PCDH15: variants seen among roughly 807,000 people sequenced by gnomAD.
The protein encoded by PCDH15 is protocadherin related 15.
PCDH15 carries 129 observed loss-of-function variants against 178.5 expected under a neutral mutation model. That is an observed-to-expected ratio of 0.72 (90% CI 0.63 to 0.84). The LOEUF is 0.84. Among genes scored for constraint, PCDH15 ranks in the 40% least tolerant of loss-of-function variants. PCDH15 has a pLI of 0.00. For missense variants in PCDH15, 2,230 were observed against 2,099.9 expected (o/e 1.06, Z -1.21); for synonymous variants, 800 against 732.0 (o/e 1.09, Z -1.50).
chr10:55,124,411 A>G (rs1160549391), intron 2 of PCDH15, among the ~76,000 whole-genome samples: 3 of 152,152 alleles, frequency 2.0e-5, no homozygotes, highest in African/African-American at 7.2e-5. Context: ...TGATGTAAAC[A>G]TGCACACACA....
intron 1 of PCDH15, among the ~76,000 whole-genome samples, chr10:55,309,362 T>C (rs139751301): frequency 1.2e-3 from 177 of 152,048 alleles, no homozygotes; most frequent in Middle Eastern, 6.8e-3. Context: ...TGAAGAATTT[T>C]AAAAATTAGT....
intron 2 of PCDH15, among the ~76,000 whole-genome samples, chr10:54,913,500 G>A (rs1472090175): frequency 6.6e-6 from 1 of 152,206 alleles, no homozygotes; most frequent in African/African-American, 2.4e-5. Flanking sequence ...AGCCCTCATG[G>A]AGAACCTCTA....
intron 5 of PCDH15, among the ~76,000 whole-genome samples, chr10:54,355,509 T>C (rs1480030684): frequency 6.6e-6 from 1 of 152,070 alleles, no homozygotes; most frequent in Admixed American, 6.6e-5. Context: ...TTGAGAAATG[T>C]TAGAATTCAC....
In PCDH15 at chr10:53,878,511, C is replaced by CGT. The variant is rs796387888; in HGVS notation, c.3502-11656_3502-11655dup. Among the ~76,000 whole-genome samples, 156 of 135,742 alleles carry CGT rather than the reference C, an allele frequency of 1.1e-3. 2 individuals carry two copies. In the South Asian group the frequency reaches 0.023, roughly 20 times the overall value. The allele number at this position is 135,742 out of a possible 152,430, so 89.1% of individuals were successfully genotyped here. On this transcript the variant is annotated intron_variant, in intron 26 of 37. Coordinates refer to ENST00000644397, the MANE Select transcript of PCDH15 (RefSeq NM_001384140.1). ...AAATATATAATATATTATATATATA[C>CGT]GTGTGTGTGTGTATATATATATATA...
At chr10:53,899,896 C>T (rs936068499) in intron 26 of PCDH15, among the ~76,000 whole-genome samples, 2 of 152,160 alleles carry the variant, frequency 1.3e-5, no homozygotes, top group African/African-American at 2.4e-5. Flanking sequence ...TACTCCCTTC[C>T]GCTCGTAAAT....
At chr10:54,069,614 A>C (rs151298761) in intron 17 of PCDH15, among the ~76,000 whole-genome samples, 2 of 152,348 alleles carry the variant, frequency 1.3e-5, no homozygotes, top group Non-Finnish European at 2.9e-5. Flanking sequence ...TTATGTAAAA[A>C]TGAGGATTTC....
At chr10:54,451,246 C>T (rs916210016) in intron 3 of PCDH15, among the ~76,000 whole-genome samples, 4 of 151,798 alleles carry the variant, frequency 2.6e-5, no homozygotes, top group African/African-American at 9.7e-5. Context: ...TATTTATAAA[C>T]TCATATTCTT....
chr10:54,438,768 A>AG (rs1732415300), intron 3 of PCDH15, among the ~76,000 whole-genome samples: 1 of 151,998 alleles, frequency 6.6e-6, no homozygotes, highest in Non-Finnish European at 1.5e-5. Flanking sequence ...TCCTTCTTGA[A>AG]ATTGCCCCCA....
chr10:55,433,684 TA>T (rs1838947462), intron 2 of PCDH15, among the ~76,000 whole-genome samples: 4 of 61,866 alleles, frequency 6.5e-5, no homozygotes, highest in Non-Finnish European at 1.4e-4. Context: ...CATTCATTTT[TA>T]TGATTTATAA....
At chr10:53,868,326 C>A (rs889822658) in intron 26 of PCDH15, among the ~76,000 whole-genome samples, 5 of 151,848 alleles carry the variant, frequency 3.3e-5, no homozygotes, top group Non-Finnish European at 5.9e-5. Context: ...TGCTAAGAAT[C>A]ATACAAAATA....
rs117376959 is a variant in PCDH15, at chr10:55,040,951, C to T, written c.-80+125625G>A. ...ATTTGAAATAAGAAATTCAAACTAACACATAAAGAACAAATGGCAGTAGAT... is the reference window on the plus strand; with the variant it reads ...ATTTGAAATAAGAAATTCAAACTAATACATAAAGAACAAATGGCAGTAGAT... On this transcript the variant is annotated intron_variant, in intron 2 of 5. Coordinates refer to the PCDH15 transcript ENST00000458638. Among the ~76,000 whole-genome samples, 1,217 of 151,974 alleles carry T rather than the reference C, an allele frequency of 8.0e-3. 5 individuals are homozygous for T. Among genetic ancestry groups the T allele is most frequent in the Non-Finnish European group, 0.011 (731 of 67,916 alleles).
intron 2 of PCDH15, among the ~76,000 whole-genome samples, chr10:54,991,362 T>G (rs2131917269): frequency 6.6e-6 from 1 of 152,266 alleles, no homozygotes; most frequent in Non-Finnish European, 1.5e-5. Flanking sequence ...GAAAAGTTCT[T>G]TTCTCAACCT....
At chr10:54,038,771 C>T (rs1267442263) in intron 18 of PCDH15, among the ~76,000 whole-genome samples, 1 of 151,956 alleles carries the variant, frequency 6.6e-6, no homozygotes, top group East Asian at 1.9e-4. Flanking sequence ...TAACAAGCCT[C>T]TATCTTGGAT....
chr10:55,205,674 T>C (rs1042748262), intron 1 of PCDH15, among the ~76,000 whole-genome samples: 2 of 152,060 alleles, frequency 1.3e-5, no homozygotes, highest in Non-Finnish European at 2.9e-5. Context: ...GATTCTTTCC[T>C]TCCTGTTTAA....
chr10:54,430,827 T>A (rs920179725), intron 3 of PCDH15, among the ~76,000 whole-genome samples: 3 of 151,950 alleles, frequency 2.0e-5, no homozygotes, highest in African/African-American at 7.2e-5. Flanking sequence ...AATAAAAAGT[T>A]TGTTTGTTGA....
chr10:55,056,597 A>T (rs1236083608), intron 2 of PCDH15, among the ~76,000 whole-genome samples: 1 of 137,382 alleles, frequency 7.3e-6, no homozygotes, highest in Non-Finnish European at 1.5e-5. Context: ...TATTTGATTT[A>T]TTTTTATTTT....
At chr10:55,272,890 T>C (rs904348925) in intron 1 of PCDH15, among the ~76,000 whole-genome samples, 2 of 152,084 alleles carry the variant, frequency 1.3e-5, no homozygotes, top group African/African-American at 4.8e-5. Context: ...TTATTTCTTG[T>C]TTCAACTCCC....
At chr10:54,290,525 GATCAAATTCACACA>G (rs1470709246) in intron 8 of PCDH15, among the ~76,000 whole-genome samples, 1 of 152,104 alleles carries the variant, frequency 6.6e-6, no homozygotes, top group East Asian at 1.9e-4. Context: ...ATAATGACAG[GATCAAATTCACACA>G]TAAAAATATT....
intron 17 of PCDH15, among the ~76,000 whole-genome samples, chr10:54,073,469 A>G (rs1202974186): frequency 6.6e-6 from 1 of 152,112 alleles, no homozygotes; most frequent in African/African-American, 2.4e-5. Context: ...AAAGTTTCCT[A>G]TTTGATTATG....
Sources: gnomAD v4.1 joint callset for allele counts (sites outside exome capture counted in the v4.1 genomes callset) on GRCh38, gnomAD v4.1.1 for gene constraint, MANE v1.5 for transcripts, NCBI Gene and HGNC (gene_info 2026-07-23, HGNC 2026-07-21) for gene names.